Variants in GALNT15 observed in about 807,000 individuals in gnomAD.
The protein encoded by GALNT15 is UDP-GalNAc transferase T15.
GALNT15 carries 67 observed loss-of-function variants against 66.8 expected under a neutral mutation model. The ratio of observed to expected loss-of-function variants is 1.00; its 90% CI spans 0.82 to 1.23. The LOEUF is 1.23. GALNT15 is among the 50% of genes most tolerant of loss of function. GALNT15 has a pLI of 0.00. For missense variants in GALNT15, 827 were observed against 804.3 expected, an observed-to-expected ratio of 1.03 and a Z score of -0.34; for synonymous variants, 313 against 311.5, an observed-to-expected ratio of 1.00 and a Z score of -0.05.
At chr3:16,210,900 A>G (rs1002181849) in intron 4 of GALNT15, among the ~76,000 whole-genome samples, 1 of 152,214 alleles carries the variant, frequency 6.6e-6, no homozygotes, top group Non-Finnish European at 1.5e-5. Flanking sequence ...CTGAGGACAG[A>G]GTATAGAAGG....
the GALNT15 span, among the ~76,000 whole-genome samples, chr3:16,246,321 G>GTTTTTTTTT: frequency 1.2e-5 from 1 of 85,268 alleles, no homozygotes; most frequent in African/African-American, 4.8e-5. Flanking sequence ...TTTGAAAGTG[G>GTTTTTTTTT]TTTTTTTTTT....
At chr3:16,222,535 A>G (rs2063954039) in intron 8 of GALNT15, 80 bp from the exon 9 acceptor site, 4 of 1,556,056 alleles carry the variant, frequency 2.6e-6, no homozygotes, top group Admixed American at 3.4e-5. Flanking sequence ...TCAGCTCTAT[A>G]GTGGGTTCTT....
chr3:16,175,596 T>C lies in GALNT15; in HGVS notation c.445T>C (p.Leu149=). Residue 149 remains leucine (L), a synonymous_variant, in exon 1 of 10, where the codon TTG becomes CTG. Coordinates refer to ENST00000339732, the MANE Select transcript of GALNT15 (RefSeq NM_054110.5). The surrounding 1 kb of genome is among the most constrained non-coding windows in gnomAD (Gnocchi z 5.6). ...CGGGGAGGTGTCTGAAGAAGAGGAG[T>C]TGACCCCGTTCAGCCTGGACCCACG... ...EDGEVSEEEE[L]TPFSLDPRGL... The C allele has an allele frequency of 6.2e-7, 1 of 1,613,098 alleles. No individual in the cohort carries two copies. The highest frequency in any genetic ancestry group is 8.5e-7 in the Non-Finnish European group (1 of 1,179,836).
rs142070407 is a variant in GALNT15 at position 16,205,512 on chromosome 3, T to C, written c.912-2991T>C. Among the ~76,000 whole-genome samples the C allele has an allele frequency of 4.3e-3, 655 of 152,326 alleles. 3 individuals are homozygous for C. The highest frequency in any genetic ancestry group is 5.9e-3 in the Non-Finnish European group (404 of 68,022). ...CCTGGAACTTAGGCTCAACATAGGA[T>C]CAACCTTGTACCTGCCTGAGGGTTA... On this transcript the variant is annotated intron_variant, in intron 3 of 9. Coordinates refer to ENST00000339732, the MANE Select transcript of GALNT15 (RefSeq NM_054110.5).
chr3:16,208,560 C>G lies in GALNT15; in HGVS notation c.969C>G (p.Tyr323Ter). The G allele has an allele frequency of 6.2e-7, 1 of 1,614,130 alleles. No homozygotes were observed. The highest frequency in any genetic ancestry group is 8.5e-7 in the Non-Finnish European group (1 of 1,180,008). Residue 323 changes from tyrosine to a stop codon, truncating the protein, a stop_gained, in exon 4 of 10, where the codon TAC becomes TAG. Coordinates refer to ENST00000339732, the MANE Select transcript of GALNT15 (RefSeq NM_054110.5). LOFTEE classifies it high-confidence loss of function. Reference sequence around the variant, plus strand: ...TTGACTGGAAGACTTTCCAGTATTACCCCTCAAAGGACCTGCAGCGTGGGG... The same window carrying G: ...TTGACTGGAAGACTTTCCAGTATTAGCCCTCAAAGGACCTGCAGCGTGGGG... ...DVIDWKTFQY[Y>*]PSKDLQRGVL...
At chr3:16,196,039 C>T in intron 2 of GALNT15, 113 bp downstream of exon 2, 1 of 1,040,184 alleles carries the variant, frequency 9.6e-7, no homozygotes, top group Admixed American at 2.3e-5. Flanking sequence ...TCCCCAACTA[C>T]AGACCTCCAG....
intron 1 of GALNT15, among the ~76,000 whole-genome samples, chr3:16,194,999 A>C (rs1473050412): frequency 5.3e-5 from 8 of 152,238 alleles, no homozygotes; most frequent in African/African-American, 1.9e-4. Context: ...AATTTTAAAA[A>C]ATAGTAAGTG....
chr3:16,246,021 G>A, the GALNT15 span, among the ~76,000 whole-genome samples: 1 of 152,218 alleles, frequency 6.6e-6, no homozygotes, highest in Non-Finnish European at 1.5e-5. Flanking sequence ...GGGTATGACT[G>A]TGAATGAAGC....
In GALNT15 at chr3:16,186,325, C is replaced by T. The variant is rs2124846246; in HGVS notation, c.540-9435C>T. Among the ~76,000 whole-genome samples, 1 of 152,322 alleles carries T rather than the reference C, an allele frequency of 6.6e-6. No homozygotes were observed. The highest frequency in any genetic ancestry group is 1.5e-5 in the Non-Finnish European group (1 of 68,034). ...AAGGATGTGGAGAAATTGGAACCCT[C>T]ACACATTGCTGGTGGGATTGTAAAA... On this transcript the variant is annotated intron_variant, in intron 1 of 9. Coordinates refer to ENST00000339732, the MANE Select transcript of GALNT15 (RefSeq NM_054110.5). The surrounding 1 kb of genome is among the most constrained non-coding windows in gnomAD (Gnocchi z 5.1).
chr3:16,213,533 C>T lies in GALNT15; in HGVS notation c.1392+770C>T, dbSNP rs571889251. 2.6e-5 allele frequency among the ~76,000 whole-genome samples: 4 copies of T among 151,542 alleles called. No individual in the cohort carries two copies. In the South Asian group the frequency reaches 8.3e-4, roughly 32 times the overall value. Reference sequence around the variant, plus strand: ...TAAACATTTAAATGTCCACAAACAGCACATTATCAATTGGTCAGTGGCTGC... The same window carrying T: ...TAAACATTTAAATGTCCACAAACAGTACATTATCAATTGGTCAGTGGCTGC... On this transcript the variant is annotated intron_variant, in intron 6 of 9. Coordinates refer to ENST00000339732, the MANE Select transcript of GALNT15 (RefSeq NM_054110.5).
chr3:16,206,645 C>A (rs556946373), intron 3 of GALNT15, among the ~76,000 whole-genome samples: 2 of 139,180 alleles, frequency 1.4e-5, no homozygotes, highest in East Asian at 4.0e-4. Context: ...TGCCCTCCAG[C>A]CTGGATAACA....
the GALNT15 span, among the ~76,000 whole-genome samples, chr3:16,240,892 G>T: frequency 2.0e-5 from 3 of 152,142 alleles, no homozygotes; most frequent in Non-Finnish European, 2.9e-5. Context: ...GGACTCACCT[G>T]CTACTATTTG....
the GALNT15 span, among the ~76,000 whole-genome samples, chr3:16,248,105 G>A: frequency 1.1e-4 from 17 of 152,318 alleles, no homozygotes; most frequent in African/African-American, 3.8e-4. The surrounding 1 kb of genome is among the most constrained non-coding windows in gnomAD (Gnocchi z 4.9). Context: ...TTACAGAGAA[G>A]CTATCGTTCA....
intron 6 of GALNT15, among the ~76,000 whole-genome samples, chr3:16,217,273 CTGAT>C (rs2063889439): frequency 6.6e-6 from 1 of 152,190 alleles, no homozygotes; most frequent in Non-Finnish European, 1.5e-5. Flanking sequence ...TGTCCATTCT[CTGAT>C]TCACAGATGT....
chr3:16,197,117 G>A (rs1232441434), intron 2 of GALNT15, among the ~76,000 whole-genome samples: 2 of 152,232 alleles, frequency 1.3e-5, no homozygotes, highest in African/African-American at 4.8e-5. Flanking sequence ...AAACCCTCAA[G>A]TGGGGCGGGG....
intron 6 of GALNT15, among the ~76,000 whole-genome samples, chr3:16,218,840 A>C (rs1438392867): frequency 2.2e-5 from 3 of 133,400 alleles, no homozygotes; most frequent in Non-Finnish European, 3.1e-5. Context: ...TTTGCGAGGA[A>C]GTCTTGCTCT....
In GALNT15 at chr3:16,188,791, C is replaced by T. The variant is rs143472825; in HGVS notation, c.540-6969C>T. On this transcript the variant is annotated intron_variant, in intron 1 of 9. Coordinates refer to ENST00000339732, the MANE Select transcript of GALNT15 (RefSeq NM_054110.5). The surrounding 1 kb of genome is among the most constrained non-coding windows in gnomAD (Gnocchi z 4.6). ...GAAGCTCTGTAAGGTTGGGTGGGAGCGGGGGAGGAAGAGTGGATAGATTGC... is the reference window on the plus strand; with the variant it reads ...GAAGCTCTGTAAGGTTGGGTGGGAGTGGGGGAGGAAGAGTGGATAGATTGC... 5.3e-5 allele frequency among the ~76,000 whole-genome samples: 8 copies of T among 152,176 alleles called. No individual in the cohort carries two copies. The highest frequency in any genetic ancestry group is 2.1e-4 in the South Asian group (1 of 4,812).
intron 8 of GALNT15, among the ~76,000 whole-genome samples, chr3:16,221,496 T>TGAGGG: frequency 6.6e-6 from 1 of 152,092 alleles, no homozygotes; most frequent in Non-Finnish European, 1.5e-5. Context: ...CTACCAAGTG[T>TGAGGG]GAGGGATGGT....
In GALNT15 at chr3:16,182,011, G is replaced by A. The variant is rs2063476509; in HGVS notation, c.539+6321G>A. Among the ~76,000 whole-genome samples the A allele has an allele frequency of 6.6e-6, 1 of 152,164 alleles. No homozygotes were observed. The highest frequency in any genetic ancestry group is 2.4e-5 in the African/African-American group (1 of 41,430). ...CTTTTTTGGGTCAAATGCATTCATG[G>A]TAACAAGTGTGGTAGGGTCTTACCC... is the stretch of plus-strand genomic sequence containing the variant. On this transcript the variant is annotated intron_variant, in intron 1 of 9. Transcript: ENST00000339732. The surrounding 1 kb of genome is among the most constrained non-coding windows in gnomAD (Gnocchi z 6.1).
Sources: gnomAD v4.1 joint callset for allele counts (sites outside exome capture counted in the v4.1 genomes callset) on GRCh38, gnomAD v4.1.1 for gene constraint, Gnocchi (gnomAD v3.1) non-coding constraint, MANE v1.5 for transcripts, NCBI Gene and HGNC (gene_info 2026-07-23, HGNC 2026-07-21) for gene names.